MCRIP1: variants seen among roughly 807,000 people sequenced by gnomAD.
MCRIP1 encodes mapk-regulated corepressor-interacting protein 1.
A neutral mutation model predicts 14.4 loss-of-function variants in MCRIP1; 10 were observed. The observed-to-expected ratio is 0.70, with a 90% CI of 0.43 to 1.18. MCRIP1 has a LOEUF of 1.18. Among genes scored for constraint, MCRIP1 ranks in the 50% most tolerant of loss-of-function variants. The pLI is 0.00. For missense variants in MCRIP1, 119 were observed against 135.4 expected, an observed-to-expected ratio of 0.88 and a Z score of 0.60; for synonymous variants, 53 against 55.7, an observed-to-expected ratio of 0.95 and a Z score of 0.21.
intron 1 of MCRIP1, chr17:81,826,174 C>G: frequency 2.0e-6 from 3 of 1,500,900 alleles, no homozygotes; most frequent in Non-Finnish European, 8.9e-7. Context: ...CCACTGATTG[C>G]CCCACATCCT....
chr17:81,828,183 G>A (rs2038448683), intron 1 of MCRIP1, among the ~76,000 whole-genome samples: 1 of 152,072 alleles, frequency 6.6e-6, no homozygotes, highest in Non-Finnish European at 1.5e-5. Flanking sequence ...TGTCCTCTAA[G>A]TCTTCCCAGA....
chr17:81,832,969 G>T (rs2038550534), intron 1 of MCRIP1, among the ~76,000 whole-genome samples: 1 of 151,998 alleles, frequency 6.6e-6, no homozygotes, highest in Non-Finnish European at 1.5e-5. Flanking sequence ...CCCGGCACCT[G>T]CCCCTGCCTG....
rs1329301167 is a variant in MCRIP1, at chr17:81,830,489, T to C, written c.-49+2749A>G. ...CCGTCTCTACTAAAAATACAAAAAGTAGCCAGGCGTGGTGGCAGTCGCCTG... is the reference window on the plus strand; with the variant it reads ...CCGTCTCTACTAAAAATACAAAAAGCAGCCAGGCGTGGTGGCAGTCGCCTG... On this transcript the variant is annotated intron_variant, in intron 1 of 4. Coordinates refer to ENST00000455127, the MANE Select transcript of MCRIP1 (RefSeq NM_207368.5). Among the ~76,000 whole-genome samples the C allele has an allele frequency of 2.0e-5, 3 of 147,682 alleles. No homozygotes were observed. The East Asian group carries it at 6.2e-4, about 31-fold the overall frequency.
intron 1 of MCRIP1, chr17:81,826,153 T>C (rs2038390262): frequency 6.7e-7 from 1 of 1,492,846 alleles, no homozygotes; most frequent in Non-Finnish European, 8.9e-7. Flanking sequence ...TTGTCACTCC[T>C]GCCCCAGATC....
rs888780415 is a variant in MCRIP1, at chr17:81,833,238, C to G, written c.-49G>C. ...CCGCCCGGCGCCGCACCCGCCTCAC[C>G]TCGCCCCGACCCGCCGCCACCGCCT... On this transcript the variant is annotated splice_region_variant and 5_prime_UTR_variant, in exon 1 of 5. Transcript: ENST00000455127. 1 of 150,416 alleles carries G rather than the reference C, an allele frequency of 6.6e-6. No individual in the cohort carries two copies. 9.3% of individuals were successfully genotyped at this position (150,416 alleles called of 1,614,324 possible).
Position 81,823,485 on chromosome 17 carries a change from T to C in MCRIP1, c.156A>G (p.Arg52=). 4 of 1,536,424 alleles carry C rather than the reference T, an allele frequency of 2.6e-6. No homozygotes were observed. The highest frequency in any genetic ancestry group is 3.5e-6 in the Non-Finnish European group (4 of 1,146,732). ...EAWQGVERDL[R]GQVPGGERGL... Reference sequence around the variant, plus strand: ...CCCGCTCGCCACCCGGCACCTGGCCTCGCAGGTCTCGCTCCACACCCTGCC... The same window carrying C: ...CCCGCTCGCCACCCGGCACCTGGCCCCGCAGGTCTCGCTCCACACCCTGCC... The change falls in exon 4 of 5, where the codon CGA becomes CGG. Residue 52 remains arginine (R), a synonymous_variant. Transcript: ENST00000455127. This position sits in a 1 kb window ranked among gnomAD's most constrained non-coding sequence, Gnocchi z 6.0.
Position 81,825,338 on chromosome 17 carries a change from C to T in MCRIP1, c.-48-784G>A. 4.3e-6 allele frequency: 5 copies of T among 1,169,610 alleles called. No homozygotes were observed. In the South Asian group the frequency reaches 8.4e-5, roughly 20 times the overall value. 72.5% of individuals were successfully genotyped at this position (1,169,610 alleles called of 1,614,324 possible). A position where few individuals can be genotyped will look rare whatever the true frequency, so the allele number is the denominator to read the frequency against. Reference sequence around the variant, plus strand: ...TCACACTGGCAGGCTGGACAGTGTCCCCACTCCAGCTGAGGACACACAACC... The same window carrying T: ...TCACACTGGCAGGCTGGACAGTGTCTCCACTCCAGCTGAGGACACACAACC... On this transcript the variant is annotated intron_variant, in intron 1 of 4. Transcript: ENST00000455127.
intron 1 of MCRIP1, chr17:81,824,931 C>T: frequency 8.8e-7 from 1 of 1,138,066 alleles, no homozygotes. Flanking sequence ...TCTCTGATGT[C>T]CAGCTGCCTC....
At position 81,824,257 on chromosome 17, in the gene MCRIP1, G is replaced by A. The variant is rs746146419; in HGVS notation, c.127+30C>T. ...CAGAGCTGACTCCGTCAAGGACAGG[G>A]CAGGAGCTGTGTGTGGCAGGCGCAC... On this transcript the variant is annotated intron_variant, in intron 3 of 4. Coordinates refer to ENST00000455127, the MANE Select transcript of MCRIP1 (RefSeq NM_207368.5). The A allele has an allele frequency of 9.4e-6, 14 of 1,493,090 alleles. No individual in the cohort carries two copies. In the South Asian group the frequency reaches 1.7e-4, roughly 18 times the overall value. 92.5% of individuals were successfully genotyped at this position (1,493,090 alleles called of 1,614,324 possible). A position where few individuals can be genotyped will look rare whatever the true frequency, so the allele number is the denominator to read the frequency against.
chr17:81,823,886 A>G lies in MCRIP1; in HGVS notation c.128-373T>C. On this transcript the variant is annotated intron_variant, in intron 3 of 4. Transcript: ENST00000455127. This position sits in a 1 kb window ranked among gnomAD's most constrained non-coding sequence, Gnocchi z 6.0. ...ACGGCACACTCCCCTAATCCCAGAC[A>G]ACCACCTCCCGGCCACTTCTGCAAC... is the stretch of plus-strand genomic sequence containing the variant. 1.9e-6 allele frequency: 1 copy of G among 514,484 alleles called. No homozygotes were observed. The highest frequency in any genetic ancestry group is 3.5e-6 in the Non-Finnish European group (1 of 289,708). The allele number at this position is 514,484 out of a possible 1,614,324, so 31.9% of individuals were successfully genotyped here.
chr17:81,822,866 G>C lies in MCRIP1; in HGVS notation c.*381C>G, dbSNP rs1436015258. 8 of 386,012 alleles carry C rather than the reference G, an allele frequency of 2.1e-5. No homozygotes were observed. The highest frequency in any genetic ancestry group is 3.9e-5 in the Non-Finnish European group (8 of 207,634). The allele number at this position is 386,012 out of a possible 1,614,324, so 23.9% of individuals were successfully genotyped here. A position where few individuals can be genotyped will look rare whatever the true frequency, so the allele number is the denominator to read the frequency against. On this transcript the variant is annotated 3_prime_UTR_variant, in exon 5 of 5. Coordinates refer to ENST00000455127, the MANE Select transcript of MCRIP1 (RefSeq NM_207368.5). ...GGACAAAACCAGCCCAGTCCCAGCA[G>C]CCTGGGAGGCAGCAGAGGCTCCTTC...
intron 1 of MCRIP1, among the ~76,000 whole-genome samples, chr17:81,832,900 C>T (rs1202319723): frequency 6.6e-6 from 1 of 152,210 alleles, no homozygotes. Context: ...TCTGTCAGCC[C>T]CAAAGCCCCG....
At chr17:81,831,155 G>C (rs1030376191) in intron 1 of MCRIP1, among the ~76,000 whole-genome samples, 1 of 140,586 alleles carries the variant, frequency 7.1e-6, no homozygotes, top group African/African-American at 2.8e-5. Context: ...CTGGGCAACA[G>C]AGCAAGACTC....
intron 1 of MCRIP1, among the ~76,000 whole-genome samples, chr17:81,827,049 C>T (rs1297993372): frequency 7.4e-6 from 1 of 134,534 alleles, no homozygotes; most frequent in Non-Finnish European, 1.6e-5. Flanking sequence ...ACCTGGGAGG[C>T]GGAGGTTGCA....
At chr17:81,832,255 C>T (rs2038534773) in intron 1 of MCRIP1, among the ~76,000 whole-genome samples, 1 of 152,172 alleles carries the variant, frequency 6.6e-6, no homozygotes, top group South Asian at 2.1e-4. Flanking sequence ...ATACGGCTGT[C>T]ACAGCTGCCA....
chr17:81,825,643 G>T, intron 1 of MCRIP1: 1 of 1,289,346 alleles, frequency 7.8e-7, no homozygotes, highest in Non-Finnish European at 1.0e-6. Context: ...AGAATCCCAC[G>T]GCTCAAGGGC....
chr17:81,826,323 A>AT, intron 1 of MCRIP1: 2 of 1,535,544 alleles, frequency 1.3e-6, no homozygotes, highest in Non-Finnish European at 1.7e-6. Context: ...CCGCCCGCAC[A>AT]CACCTGTCTG....
chr17:81,825,808 TC>T (rs1567825207), intron 1 of MCRIP1: 14 of 1,289,306 alleles, frequency 1.1e-5, no homozygotes, highest in Non-Finnish European at 1.4e-5. Context: ...GACTCTGGGG[TC>T]TCTCTGCCCA....
chr17:81,823,083 G>C lies in MCRIP1; in HGVS notation c.*164C>G. The C allele has an allele frequency of 1.4e-6, 1 of 692,530 alleles. No homozygotes were observed. The highest frequency in any genetic ancestry group is 1.7e-5 in the South Asian group (1 of 57,908). The allele number at this position is 692,530 out of a possible 1,614,324, so 42.9% of individuals were successfully genotyped here. ...AGACCCCCAAGGATGAAGGAAGGGGGCTTGGGAAGGAGAGGCAGGCCTCAG... is the reference window on the plus strand; with the variant it reads ...AGACCCCCAAGGATGAAGGAAGGGGCCTTGGGAAGGAGAGGCAGGCCTCAG... On this transcript the variant is annotated 3_prime_UTR_variant, in exon 5 of 5. Coordinates refer to ENST00000455127, the MANE Select transcript of MCRIP1 (RefSeq NM_207368.5). This position sits in a 1 kb window ranked among gnomAD's most constrained non-coding sequence, Gnocchi z 6.0.
Sources: gnomAD v4.1 joint callset for allele counts (sites outside exome capture counted in the v4.1 genomes callset) on GRCh38, gnomAD v4.1.1 for gene constraint, Gnocchi (gnomAD v3.1) non-coding constraint, MANE v1.5 for transcripts, NCBI Gene and HGNC (gene_info 2026-07-23, HGNC 2026-07-21) for gene names.